The following DENND5A variants were observed in gnomAD, a reference collection of about 807,000 sequenced individuals.
The protein encoded by DENND5A is DENN domain-containing protein 5A.
A neutral mutation model predicts 140.3 loss-of-function variants in DENND5A; 64 were observed. The observed-to-expected ratio is 0.46, with a 90% CI of 0.37 to 0.56. The LOEUF (loss-of-function observed/expected upper bound fraction) is 0.56. Ranked by LOEUF, DENND5A falls within the 20% of genes least tolerant of loss-of-function variation. DENND5A has a pLI of 0.00. For missense variants in DENND5A, 1,292 were observed against 1,593.8 expected (o/e 0.81, Z 3.22); for synonymous variants, 605 against 607.7 (o/e 1.00, Z 0.07).
intron 1 of DENND5A, among the ~76,000 whole-genome samples, chr11:9,229,419 C>A (rs1850669039): frequency 6.6e-6 from 1 of 152,038 alleles, no homozygotes; most frequent in African/African-American, 2.4e-5. Context: ...GACCGGAAGA[C>A]CTCAGAAATA....
rs763647549 is a variant in DENND5A at position 9,180,854 on chromosome 11, A to C, written c.1368T>G (p.Pro456=). The part of the protein sequence containing the change: ...DKRNGNIAGS[P]LHSYELLKEN... The stretch of plus-strand genomic sequence containing the variant: ...CCTTAAGAAGCTCGTAGGAATGCAA[A>C]GGGGAGCCAGCAATGTTCCCATTCC... Residue 456 remains proline, a synonymous_variant, in exon 6 of 23, where the codon CCT becomes CCG. Transcript: ENST00000328194. 5.0e-6 allele frequency: 8 copies of C among 1,614,088 alleles called. No individual in the cohort carries two copies. In the African/African-American group the frequency reaches 1.1e-4, roughly 22 times the overall value.
intron 16 of DENND5A, 115 bp from the exon 17 acceptor site, chr11:9,145,930 C>T (rs1847417426): frequency 4.4e-6 from 5 of 1,130,770 alleles, no homozygotes; most frequent in African/African-American, 1.5e-5. Flanking sequence ...GCTATCTCAG[C>T]TCAAGCAGAG....
At chr11:9,212,117 G>A (rs1286108335) in intron 1 of DENND5A, among the ~76,000 whole-genome samples, 4 of 152,106 alleles carry the variant, frequency 2.6e-5, no homozygotes, top group Non-Finnish European at 5.9e-5. Flanking sequence ...GGGCGTGGTA[G>A]CTCACACTTA....
At chr11:9,195,592 TGTAAG>T (rs1849297084) in intron 4 of DENND5A, among the ~76,000 whole-genome samples, 3 of 152,304 alleles carry the variant, frequency 2.0e-5, no homozygotes, top group Admixed American at 6.5e-5. Context: ...ATAAAGTAGT[TGTAAG>T]TAACAAAAAA....
intron 5 of DENND5A, among the ~76,000 whole-genome samples, chr11:9,185,461 T>C (rs77560786): frequency 0.012 from 1,839 of 152,312 alleles, 34 homozygotes; most frequent in African/African-American, 0.041. Context: ...ATCCCTATTG[T>C]ATATCTAAAT....
intron 1 of DENND5A, among the ~76,000 whole-genome samples, chr11:9,259,883 G>A (rs1342602841): frequency 6.6e-6 from 1 of 151,904 alleles, no homozygotes; most frequent in Non-Finnish European, 1.5e-5. Context: ...ACAAGAATTA[G>A]CCAGGTGTGC....
intron 1 of DENND5A, among the ~76,000 whole-genome samples, chr11:9,259,578 A>C (rs1852102437): frequency 6.6e-6 from 1 of 152,044 alleles, no homozygotes; most frequent in Non-Finnish European, 1.5e-5. Flanking sequence ...AAACAAACAA[A>C]CAAACAAACA....
chr11:9,168,357 G>A (rs1267191079), intron 10 of DENND5A, among the ~76,000 whole-genome samples: 4 of 152,130 alleles, frequency 2.6e-5, no homozygotes, highest in East Asian at 3.8e-4. Flanking sequence ...TGCCATCCAC[G>A]TTAAGACGTG....
At chr11:9,261,352 A>G (rs1355769446) in intron 1 of DENND5A, among the ~76,000 whole-genome samples, 1 of 152,122 alleles carries the variant, frequency 6.6e-6, no homozygotes, top group Non-Finnish European at 1.5e-5. Context: ...CCTGGCTACA[A>G]ATTACAATTT....
intron 5 of DENND5A, among the ~76,000 whole-genome samples, chr11:9,182,864 A>G (rs1848778895): frequency 6.6e-6 from 1 of 152,196 alleles, no homozygotes; most frequent in Non-Finnish European, 1.5e-5. Flanking sequence ...ACTACACTCA[A>G]CAAACATTTG....
chr11:9,145,768 A>T lies in DENND5A; in HGVS notation c.2905T>A (p.Ser969Thr). The change falls in exon 17 of 23, where the codon TCC becomes ACC. Residue 969 changes from serine to threonine, a missense_variant. Around this residue, in one of 4 missense-constraint regions of DENND5A, gnomAD observed 498 missense variants for 689.7 expected, o/e 0.72. Transcript: ENST00000328194. ...LIVPSKKLGG[S>T]MFTANPWICI... ...ATCCATGGGTTGGCAGTGAACATGG[A>T]GCCCCCCAGCTTCTTGCTTGGTACG... 1.2e-6 allele frequency: 2 copies of T among 1,614,184 alleles called. No individual in the cohort carries two copies. Among genetic ancestry groups the T allele is most frequent in the Non-Finnish European group, 1.7e-6 (2 of 1,180,024 alleles).
chr11:9,262,605 C>T (rs7940333), intron 1 of DENND5A, among the ~76,000 whole-genome samples: 1,905 of 152,172 alleles, frequency 0.013, 39 homozygotes, highest in African/African-American at 0.04. Flanking sequence ...ACACCAATAC[C>T]CTGAACCGAA....
chr11:9,240,114 G>C (rs1851171623), intron 1 of DENND5A, among the ~76,000 whole-genome samples: 1 of 152,206 alleles, frequency 6.6e-6, no homozygotes, highest in South Asian at 2.1e-4. Context: ...TCCTTTTAAA[G>C]AACTGATCCT....
intron 1 of DENND5A, among the ~76,000 whole-genome samples, chr11:9,223,726 G>T (rs149674397): frequency 3.3e-5 from 5 of 152,032 alleles, no homozygotes; most frequent in Non-Finnish European, 5.9e-5. Flanking sequence ...GAAAAAAAGC[G>T]TAACATCTGA....
chr11:9,255,065 T>C (rs1317387310), intron 1 of DENND5A, among the ~76,000 whole-genome samples: 1 of 151,872 alleles, frequency 6.6e-6, no homozygotes, highest in Non-Finnish European at 1.5e-5. Context: ...AACAAGACTC[T>C]GTCTCAAAAA....
rs573528866 is a variant in DENND5A at position 9,157,056 on chromosome 11, T to C, written c.2436+3657A>G. Among the ~76,000 whole-genome samples the C allele has an allele frequency of 2.6e-5, 4 of 152,322 alleles. No individual in the cohort carries two copies. In the East Asian group the frequency reaches 7.7e-4, roughly 29 times the overall value. On this transcript the variant is annotated intron_variant, in intron 12 of 22. Coordinates refer to ENST00000328194, the MANE Select transcript of DENND5A (RefSeq NM_015213.4). ...ACAGGAAGAAGCTTCACTAACTCCCTAGAAATTTTTGCAGTAAATATTTAA... is the reference window on the plus strand; with the variant it reads ...ACAGGAAGAAGCTTCACTAACTCCCCAGAAATTTTTGCAGTAAATATTTAA...
intron 11 of DENND5A, among the ~76,000 whole-genome samples, chr11:9,163,196 T>C (rs1412833680): frequency 2.0e-5 from 3 of 152,214 alleles, no homozygotes; most frequent in Non-Finnish European, 4.4e-5. Flanking sequence ...AGAATGCTGC[T>C]GTAAACTTCT....
intron 5 of DENND5A, among the ~76,000 whole-genome samples, chr11:9,193,036 G>A (rs1028942258): frequency 3.3e-5 from 5 of 152,102 alleles, no homozygotes; most frequent in East Asian, 1.9e-4. Context: ...ACCAGCCTGG[G>A]CAACATGGTG....
At chr11:9,254,405 T>C (rs999990204) in intron 1 of DENND5A, among the ~76,000 whole-genome samples, 1 of 152,146 alleles carries the variant, frequency 6.6e-6, no homozygotes, top group African/African-American at 2.4e-5. Context: ...TACTCTGTAA[T>C]TGTTTTCTGT....
Sources: gnomAD v4.1 joint callset for allele counts (sites outside exome capture counted in the v4.1 genomes callset) on GRCh38, gnomAD v4.1.1 for gene constraint, gnomAD v4.1.1 regional missense constraint, MANE v1.5 for transcripts, NCBI Gene and HGNC (gene_info 2026-07-23, HGNC 2026-07-21) for gene names.